GPRIN1: variants seen among roughly 807,000 people sequenced by gnomAD.
GPRIN1 encodes G protein regulated inducer of neurite outgrowth 1.
Under a neutral mutation model 2.8 loss-of-function variants are expected in GPRIN1, and 4 were observed. The ratio of observed to expected loss-of-function variants is 1.45; its 90% CI spans 0.71 to 3.32. GPRIN1 has a LOEUF of 3.32. Among genes scored for constraint, GPRIN1 ranks in the 30% most tolerant of loss-of-function variants. GPRIN1 has a pLI of 0.01. For missense variants in GPRIN1, 1,322 were observed against 1,343.4 expected, an observed-to-expected ratio of 0.98 and a Z score of 0.25; for synonymous variants, 589 against 589.9, an observed-to-expected ratio of 1.00 and a Z score of 0.02.
chr5:176,601,610 T>C (rs1759148747), intron 1 of GPRIN1, among the ~76,000 whole-genome samples: 1 of 152,028 alleles, frequency 6.6e-6, no homozygotes, highest in Non-Finnish European at 1.5e-5. Context: ...GCCTGGGGGA[T>C]ATCCAAGAAG....
intron 1 of GPRIN1, among the ~76,000 whole-genome samples, chr5:176,604,220 T>C (rs1274120163): frequency 6.6e-6 from 1 of 152,200 alleles, no homozygotes; most frequent in East Asian, 1.9e-4. Context: ...GCAGCTGGTT[T>C]AGACATGTGG....
Position 176,598,219 on chromosome 5 carries a change from G to C in GPRIN1, c.1616C>G (p.Ala539Gly), listed in dbSNP as rs148339186. ...CGCGAGGGGCTCGGCCTTCCCTGAG[G>C]CTGTGGGAGCCGCCTTTCCAGAGGC... is the stretch of plus-strand genomic sequence containing the variant. ...LVASGKAAPT[A>G]SGKAEPLAVG... The change falls in exon 2 of 2, where the codon GCC becomes GGC. Residue 539 changes from alanine (A) to glycine (G), a missense_variant. This residue lies in a region of GPRIN1 where 1,117 missense variants were observed against 1,128.6 expected (regional missense o/e 0.99). Coordinates refer to ENST00000303991, the MANE Select transcript of GPRIN1 (RefSeq NM_052899.3). The C allele has an allele frequency of 3.5e-4, 561 of 1,612,530 alleles. 11 individuals carry two copies. The South Asian group carries it at 5.7e-3, about 16-fold the overall frequency.
In GPRIN1 at chr5:176,597,142, G is replaced by C. The variant is rs1759052069; in HGVS notation, c.2693C>G (p.Ala898Gly). 1.4e-6 allele frequency: 2 copies of C among 1,450,242 alleles called. No individual in the cohort carries two copies. The highest frequency in any genetic ancestry group is 1.8e-6 in the Non-Finnish European group (2 of 1,098,112). The allele number at this position is 1,450,242 out of a possible 1,614,324, so 89.8% of individuals were successfully genotyped here. ...EVRVRPGSAL[A>G]AAVAPPEPAE... ...CGGCTCCGGGGGCGCTACAGCGGCC[G>C]CCAGCGCTGAGCCGGGCCGCACCCG... Residue 898 changes from alanine (A) to glycine (G), a missense_variant, in exon 2 of 2, where the codon GCG becomes GGG. Ala to Gly is a moderately conservative substitution (Grantham distance 60). Transcript: ENST00000303991. This position sits in a 1 kb window ranked among gnomAD's most constrained non-coding sequence, Gnocchi z 6.1.
In GPRIN1 at chr5:176,599,445, C is replaced by T. The variant is rs1328321472; in HGVS notation, c.390G>A (p.Glu130=). The change falls in exon 2 of 2, where the codon GAG becomes GAA. Residue 130 remains glutamate (E), a synonymous_variant. Transcript: ENST00000303991. ...TPEATTSGKP[E]PVSSVKTEPK... ...GCTCAGTTTTCACGGAGGACACAGGCTCTGGCTTCCCAGACGTGGTGGCTT... is the reference window on the plus strand; with the variant it reads ...GCTCAGTTTTCACGGAGGACACAGGTTCTGGCTTCCCAGACGTGGTGGCTT... 2 of 1,614,238 alleles carry T rather than the reference C, an allele frequency of 1.2e-6. No homozygotes were observed. The highest frequency in any genetic ancestry group is 1.6e-4 in the Middle Eastern group (1 of 6,062).
At chr5:176,600,647 C>T (rs1341076798) in intron 1 of GPRIN1, among the ~76,000 whole-genome samples, 2 of 152,166 alleles carry the variant, frequency 1.3e-5, no homozygotes, top group African/African-American at 4.8e-5. Context: ...GGTGCGGCGG[C>T]TCACGCCTGT....
intron 1 of GPRIN1, among the ~76,000 whole-genome samples, chr5:176,608,300 T>C (rs903010408): frequency 6.6e-6 from 1 of 152,160 alleles, no homozygotes; most frequent in African/African-American, 2.4e-5. Context: ...CCAAGGAGCA[T>C]GCAGTAGAAG....
chr5:176,603,957 C>T (rs1270810872), intron 1 of GPRIN1, among the ~76,000 whole-genome samples: 2 of 152,156 alleles, frequency 1.3e-5, no homozygotes, highest in Admixed American at 1.3e-4. Context: ...AGGGCACTGG[C>T]CCCTTCTAAA....
chr5:176,607,464 C>T (rs530463784), intron 1 of GPRIN1, among the ~76,000 whole-genome samples: 7 of 152,310 alleles, frequency 4.6e-5, no homozygotes, highest in African/African-American at 1.7e-4. Flanking sequence ...CTGCCTCAGC[C>T]TCCCGAGTAG....
chr5:176,603,730 T>C (rs766282007), intron 1 of GPRIN1, among the ~76,000 whole-genome samples: 2 of 152,168 alleles, frequency 1.3e-5, no homozygotes, highest in Non-Finnish European at 2.9e-5. Context: ...AGAGGTCTGG[T>C]TGGAATTCGT....
At chr5:176,600,391 T>G (rs1039963102) in intron 1 of GPRIN1, among the ~76,000 whole-genome samples, 3 of 152,060 alleles carry the variant, frequency 2.0e-5, no homozygotes, top group Non-Finnish European at 2.9e-5. Context: ...CGTGAGCCAC[T>G]GCGCCCCACC....
chr5:176,599,488 G>C lies in GPRIN1; in HGVS notation c.347C>G (p.Ser116Cys). The C allele has an allele frequency of 6.2e-7, 1 of 1,612,678 alleles. No homozygotes were observed. Among genetic ancestry groups the C allele is most frequent in the Non-Finnish European group, 8.5e-7 (1 of 1,179,100 alleles). ...SKETLEAHGA[S>C]ISGTPEATTS... ...GGTGGCTTCTGGTGTCCCTGAGATG[G>C]AGGCTCCATGTGCCTCCAATGTCTC... Residue 116 changes from serine (S) to cysteine (C), a missense_variant, in exon 2 of 2, where the codon TCC becomes TGC. By Grantham distance (112) the Ser-to-Cys change is moderately radical. Around this residue, in one of 3 missense-constraint regions of GPRIN1, gnomAD observed 1,117 missense variants for 1,128.6 expected, o/e 0.99. Transcript: ENST00000303991.
At chr5:176,603,804 T>C (rs1050241572) in intron 1 of GPRIN1, among the ~76,000 whole-genome samples, 1 of 152,190 alleles carries the variant, frequency 6.6e-6, no homozygotes, top group Non-Finnish European at 1.5e-5. Context: ...GTGGCGTGAA[T>C]TGAGTCCATC....
chr5:176,595,979 T>A lies in GPRIN1; in HGVS notation c.*829A>T. ...ACAACTGTGGTTATAGAATGAGCTC[T>A]CTGTCCTGTCCCCAATACCCAAGAA... is the stretch of plus-strand genomic sequence containing the variant. On this transcript the variant is annotated 3_prime_UTR_variant, in exon 2 of 2. Transcript: ENST00000303991. 1 of 245,972 alleles carries A rather than the reference T, an allele frequency of 4.1e-6. No individual in the cohort carries two copies. The highest frequency in any genetic ancestry group is 7.9e-5 in the East Asian group (1 of 12,736). 15.2% of individuals were successfully genotyped at this position (245,972 alleles called of 1,614,324 possible).
At chr5:176,607,952 G>T (rs996709374) in intron 1 of GPRIN1, among the ~76,000 whole-genome samples, 1 of 118,764 alleles carries the variant, frequency 8.4e-6, no homozygotes. Context: ...TGAAGACAGG[G>T]TCTCACTCTG....
rs1759155811 is a variant in GPRIN1, at chr5:176,602,063, G to T, written c.-43-2186C>A. On this transcript the variant is annotated intron_variant, in intron 1 of 1. Transcript: ENST00000303991. The surrounding 1 kb of genome is among the most constrained non-coding windows in gnomAD (Gnocchi z 4.4). ...ATCTTCAGGCCCCGTCACCTCCTCT[G>T]CCCTTTCTGCTGCTGCTCTCCCTCT... Among the ~76,000 whole-genome samples, 1 of 152,186 alleles carries T rather than the reference G, an allele frequency of 6.6e-6. No individual in the cohort carries two copies. Among genetic ancestry groups the T allele is most frequent in the South Asian group, 2.1e-4 (1 of 4,826 alleles).
Position 176,597,264 on chromosome 5 carries a change from C to A in GPRIN1, c.2571G>T (p.Ala857=). The change falls in exon 2 of 2, where the codon GCG becomes GCT. Residue 857 remains alanine, a synonymous_variant. Transcript: ENST00000303991. This position sits in a 1 kb window ranked among gnomAD's most constrained non-coding sequence, Gnocchi z 6.1. ...RAPSPPSRRD[A]GLQVSLGAAE... ...CGGCGCCCAGCGACACCTGCAGGCC[C>A]GCATCTCGGCGCGAGGGCGGGCTGG... 1 of 1,242,338 alleles carries A rather than the reference C, an allele frequency of 8.0e-7. No homozygotes were observed. The allele number at this position is 1,242,338 out of a possible 1,614,324, so 77.0% of individuals were successfully genotyped here. A position where few individuals can be genotyped will look rare whatever the true frequency, so the allele number is the denominator to read the frequency against.
intron 1 of GPRIN1, among the ~76,000 whole-genome samples, chr5:176,600,249 C>A (rs1759125765): frequency 6.6e-6 from 1 of 152,186 alleles, no homozygotes; most frequent in African/African-American, 2.4e-5. Context: ...GCCTCAGCAT[C>A]CCAAGTAGCT....
intron 1 of GPRIN1, among the ~76,000 whole-genome samples, chr5:176,603,977 G>A (rs1759186106): frequency 6.6e-6 from 1 of 152,154 alleles, no homozygotes; most frequent in Non-Finnish European, 1.5e-5. Flanking sequence ...AGGGGCAACG[G>A]CACTCAATTC....
rs1191605001 is a variant in GPRIN1, at chr5:176,599,239, C to T, written c.596G>A (p.Gly199Glu). 1.2e-6 allele frequency: 2 copies of T among 1,613,772 alleles called. No individual in the cohort carries two copies. The highest frequency in any genetic ancestry group is 1.7e-6 in the Non-Finnish European group (2 of 1,180,010). Residue 199 changes from glycine to glutamate, a missense_variant, in exon 2 of 2, where the codon GGA becomes GAA. Physicochemically the swap from Gly to Glu is moderately conservative, Grantham distance 98 (BLOSUM62 -2). Transcript: ENST00000303991. ...ILGKGDPVAP[G>E]RMDPMTVRKE... ...TCTTACAGTCATGGGATCCATCCTTCCAGGAGCCACAGGATCCCCCTTTCC... is the reference window on the plus strand; with the variant it reads ...TCTTACAGTCATGGGATCCATCCTTTCAGGAGCCACAGGATCCCCCTTTCC...
Sources: gnomAD v4.1 joint callset for allele counts (sites outside exome capture counted in the v4.1 genomes callset) on GRCh38, gnomAD v4.1.1 for gene constraint, gnomAD v4.1.1 regional missense constraint, Gnocchi (gnomAD v3.1) non-coding constraint, MANE v1.5 for transcripts, NCBI Gene and HGNC (gene_info 2026-07-23, HGNC 2026-07-21) for gene names.